KCNMB1: variants seen among roughly 807,000 people sequenced by gnomAD.
The protein encoded by KCNMB1 is potassium calcium-activated channel subfamily M regulatory beta subunit 1, also known as calcium-activated potassium channel subunit beta-1.
Under a neutral mutation model 21.7 loss-of-function variants are expected in KCNMB1, and 22 were observed. That is an observed-to-expected ratio of 1.01 (90% CI 0.72 to 1.45). The LOEUF (loss-of-function observed/expected upper bound fraction) is 1.45, where lower values mean the gene tolerates loss of function less well. Among genes scored for constraint, KCNMB1 ranks in the 40% most tolerant of loss-of-function variants. The pLI is 0.00. For missense variants in KCNMB1, 243 were observed against 243.4 expected, an observed-to-expected ratio of 1.00 and a Z score of 0.01; for synonymous variants, 114 against 107.6, an observed-to-expected ratio of 1.06 and a Z score of -0.37.
In KCNMB1 at chr5:170,378,928, C is replaced by T; in HGVS notation, c.352G>A (p.Ala118Thr). Reference protein sequence around the residue: ...GSVDNYQTARADVEKVRAKFQ... With the variant: ...GSVDNYQTARTDVEKVRAKFQ... The stretch of plus-strand genomic sequence containing the variant: ...TTGGCTCTGACCTTCTCCACGTCGG[C>T]CCGGGCCGTCTGGTAATTGTCCACG... Residue 118 changes from alanine to threonine, a missense_variant, in exon 4 of 4, where the codon GCC becomes ACC. Physicochemically the swap from Ala to Thr is moderately conservative, Grantham distance 58. Transcript: ENST00000274629. 1 of 1,614,160 alleles carries T rather than the reference C, an allele frequency of 6.2e-7. No homozygotes were observed. The highest frequency in any genetic ancestry group is 8.5e-7 in the Non-Finnish European group (1 of 1,179,996).
Position 170,378,740 on chromosome 5 carries a change from G to T in KCNMB1, c.540C>A (p.Ser180Arg), listed in dbSNP as rs986206539. 1 of 1,614,008 alleles carries T rather than the reference G, an allele frequency of 6.2e-7. No individual in the cohort carries two copies. ...CCGCCAGGATGGACAGGTACTGGTT[G>T]CTCTTCACCATGGCGATAATGAGGA... The part of the protein sequence containing the change: ...GGLLIIAMVK[S>R]NQYLSILAAQ... Residue 180 changes from serine to arginine, a missense_variant, in exon 4 of 4, where the codon AGC (serine) becomes AGA (arginine). Physicochemically the swap from Ser to Arg is moderately radical, Grantham distance 110 (BLOSUM62 -1). Transcript: ENST00000274629.
chr5:170,385,724 T>C (rs879342618), intron 1 of KCNMB1, among the ~76,000 whole-genome samples: 5 of 131,414 alleles, frequency 3.8e-5, no homozygotes, highest in African/African-American at 5.9e-5. Context: ...ACACAGTATG[T>C]AATAGGCTCA....
intron 2 of KCNMB1, among the ~76,000 whole-genome samples, 178 bp downstream of exon 2, chr5:170,385,136 C>T (rs1422747107): frequency 6.6e-6 from 1 of 152,180 alleles, no homozygotes; most frequent in Non-Finnish European, 1.5e-5. Context: ...ACCAGTGGGG[C>T]TCAGTTCATC....
At position 170,378,419 on chromosome 5, in the gene KCNMB1, C is replaced by T. The variant is rs1021864702; in HGVS notation, c.*285G>A. ...TCTGTGGGGCACATAGTGATGCAGC[C>T]GGAAACAGGTATGAGTCAGTTGAGT... is the stretch of plus-strand genomic sequence containing the variant. On this transcript the variant is annotated 3_prime_UTR_variant, in exon 4 of 4. Coordinates refer to ENST00000274629, the MANE Select transcript of KCNMB1 (RefSeq NM_004137.4). 3.0e-5 allele frequency: 11 copies of T among 366,996 alleles called. No individual in the cohort carries two copies. Among genetic ancestry groups the T allele is most frequent in the South Asian group, 6.5e-5 (1 of 15,464 alleles). The allele number at this position is 366,996 out of a possible 1,614,324, so 22.7% of individuals were successfully genotyped here.
At chr5:170,383,942 T>C in intron 2 of KCNMB1, 92 bp from the exon 3 acceptor site, 6 of 1,369,724 alleles carry the variant, frequency 4.4e-6, no homozygotes, top group Non-Finnish European at 6.0e-6. Flanking sequence ...TGGGAGCCTC[T>C]AGAGGGATCC....
intron 2 of KCNMB1, among the ~76,000 whole-genome samples, chr5:170,384,583 TG>T (rs1764388678): frequency 6.6e-6 from 1 of 152,232 alleles, no homozygotes. Flanking sequence ...CCAAGTATCC[TG>T]TGGGAGACCC....
chr5:170,378,460 A>G lies in KCNMB1; in HGVS notation c.*244T>C. The G allele has an allele frequency of 2.0e-6, 1 of 512,408 alleles. No homozygotes were observed. Among genetic ancestry groups the G allele is most frequent in the Non-Finnish European group, 3.4e-6 (1 of 291,372 alleles). The allele number at this position is 512,408 out of a possible 1,614,324, so 31.7% of individuals were successfully genotyped here. ...TCAGTTGAGTGGGGACAGGTAATAG[A>G]GAGCTAGAACTGGCTGGCCTTATGG... is the stretch of plus-strand genomic sequence containing the variant. On this transcript the variant is annotated 3_prime_UTR_variant, in exon 4 of 4. Transcript: ENST00000274629.
rs1160148744 is a variant in KCNMB1 at position 170,374,912 on chromosome 5, T to C, written c.*3792A>G. 1 of 152,134 alleles carries C rather than the reference T, an allele frequency of 6.6e-6. No homozygotes were observed. The highest frequency in any genetic ancestry group is 6.5e-5 in the Admixed American group (1 of 15,274). 9.4% of individuals were successfully genotyped at this position (152,134 alleles called of 1,614,324 possible). On this transcript the variant is annotated 3_prime_UTR_variant, in exon 4 of 4. Transcript: ENST00000274629. ...AGCAAATGAAGGTCATCATTAATAA[T>C]TTATGGGACAGTGGGGGTTAGGCAT...
Position 170,375,482 on chromosome 5 carries a change from AG to A in KCNMB1, c.*3221del, listed in dbSNP as rs1203270627. The A allele has an allele frequency of 6.6e-6, 1 of 152,552 alleles. No individual in the cohort carries two copies. Among genetic ancestry groups the A allele is most frequent in the Non-Finnish European group, 1.5e-5 (1 of 68,282 alleles). 9.4% of individuals were successfully genotyped at this position (152,552 alleles called of 1,614,324 possible). A position where few individuals can be genotyped will look rare whatever the true frequency, so the allele number is the denominator to read the frequency against. On this transcript the variant is annotated 3_prime_UTR_variant, in exon 4 of 4. Transcript: ENST00000274629. Reference sequence around the variant, plus strand: ...ACCTGCATGAGGGCACCTGGGTTCCAGGGATGCAACGCAGCTCCCTGCCTGG... The same window carrying A: ...ACCTGCATGAGGGCACCTGGGTTCCAGGATGCAACGCAGCTCCCTGCCTGG...
Position 170,376,150 on chromosome 5 carries a change from C to CTTTTTTTTT in KCNMB1, c.*2545_*2553dup, listed in dbSNP as rs397885011. ...AGTTTCTGAGTATTCATGACTTATT[C>CTTTTTTTTT]TTTTTTTTTTTTTTTTTTTTTTTTT... On this transcript the variant is annotated 3_prime_UTR_variant, in exon 4 of 4. Coordinates refer to ENST00000274629, the MANE Select transcript of KCNMB1 (RefSeq NM_004137.4). 4.2e-4 allele frequency: 30 copies of CTTTTTTTTT among 70,650 alleles called. 3 individuals carry two copies. Among genetic ancestry groups the CTTTTTTTTT allele is most frequent in the Non-Finnish European group, 7.3e-4 (26 of 35,588 alleles). 4.4% of individuals were successfully genotyped at this position (70,650 alleles called of 1,614,324 possible).
chr5:170,386,630 C>CTG (rs1259347503), intron 1 of KCNMB1, among the ~76,000 whole-genome samples: 1 of 151,572 alleles, frequency 6.6e-6, no homozygotes, highest in Non-Finnish European at 1.5e-5. Flanking sequence ...GAGAGGAGGG[C>CTG]CCCAGAAGGC....
At chr5:170,382,655 C>CT (rs5873227) in intron 3 of KCNMB1, 3,077 of 129,508 alleles carry the variant, frequency 0.024, 112 homozygotes, top group African/African-American at 0.067. Flanking sequence ...AAGAGCCTTT[C>CT]TTTTTTTTTT....
At chr5:170,386,820 C>T (rs1764493292) in intron 1 of KCNMB1, among the ~76,000 whole-genome samples, 5 of 152,204 alleles carry the variant, frequency 3.3e-5, no homozygotes, top group Admixed American at 3.3e-4. Context: ...TGGGCACATT[C>T]TGCTGGTGGT....
rs899400774 is a variant in KCNMB1, at chr5:170,376,781, C to A, written c.*1923G>T. 41 of 152,110 alleles carry A rather than the reference C, an allele frequency of 2.7e-4. No homozygotes were observed. The highest frequency in any genetic ancestry group is 2.4e-3 in the Admixed American group (36 of 15,274). 9.4% of individuals were successfully genotyped at this position (152,110 alleles called of 1,614,324 possible). A position where few individuals can be genotyped will look rare whatever the true frequency, so the allele number is the denominator to read the frequency against. On this transcript the variant is annotated 3_prime_UTR_variant, in exon 4 of 4. Coordinates refer to ENST00000274629, the MANE Select transcript of KCNMB1 (RefSeq NM_004137.4). The stretch of plus-strand genomic sequence containing the variant: ...TTAATAATGGGTACTAGACTTAATA[C>A]CTGGGTGATGAAATAATCTGCACAA...
chr5:170,383,600 G>A (rs143417544), intron 3 of KCNMB1, 79 bp downstream of exon 3: 65 of 1,510,282 alleles, frequency 4.3e-5, no homozygotes, highest in Non-Finnish European at 5.0e-5. Flanking sequence ...TCTCAGCCTC[G>A]GGGACAGGGA....
rs111479515 is a variant in KCNMB1, at chr5:170,381,707, G to A, written c.306+1972C>T. 6.6e-3 allele frequency among the ~76,000 whole-genome samples: 1,002 copies of A among 152,324 alleles called. 7 individuals carry two copies. Among genetic ancestry groups the A allele is most frequent in the Middle Eastern group, 0.014 (4 of 294 alleles). The stretch of plus-strand genomic sequence containing the variant: ...CACATCCTGCTGACAGTTCATTCAG[G>A]GGATGCTCCTCTGAGCTGGCAATCT... On this transcript the variant is annotated intron_variant, in intron 3 of 3. Coordinates refer to ENST00000274629, the MANE Select transcript of KCNMB1 (RefSeq NM_004137.4).
intron 3 of KCNMB1, among the ~76,000 whole-genome samples, chr5:170,379,207 C>T (rs567850470): frequency 6.6e-6 from 1 of 152,228 alleles, no homozygotes; most frequent in East Asian, 1.9e-4. Context: ...GGCTACACAC[C>T]TGGGCGCAGG....
intron 1 of KCNMB1, among the ~76,000 whole-genome samples, chr5:170,387,081 TA>T (rs1764506106): frequency 6.6e-6 from 1 of 152,164 alleles, no homozygotes; most frequent in African/African-American, 2.4e-5. Context: ...GAGCCTCTGG[TA>T]AATTTATTTG....
intron 1 of KCNMB1, among the ~76,000 whole-genome samples, chr5:170,388,937 A>G (rs1350836950): frequency 2.0e-5 from 3 of 152,160 alleles, no homozygotes; most frequent in Non-Finnish European, 4.4e-5. Flanking sequence ...ACCCCTCTTG[A>G]TGAATCTATT....
Sources: allele counts gnomAD v4.1 joint callset (sites outside exome capture counted in the v4.1 genomes callset), GRCh38; gene constraint gnomAD v4.1.1; transcripts MANE v1.5; gene names NCBI Gene and HGNC (gene_info 2026-07-23, HGNC 2026-07-21).